The following EXD3 variants were observed in gnomAD, a reference collection of about 807,000 sequenced individuals.
EXD3 encodes the protein exonuclease mut-7 homolog.
EXD3 carries 92 observed loss-of-function variants against 98.0 expected under a neutral mutation model. That is an observed-to-expected ratio of 0.94 (90% CI 0.79 to 1.12). The LOEUF is 1.12. Among genes scored for constraint, EXD3 ranks in the 50% most tolerant of loss-of-function variants. The pLI is 0.00. For synonymous variants in EXD3, 569 were observed against 526.0 expected (o/e 1.08, Z -1.12); for missense variants, 1,222 against 1,191.6 (o/e 1.03, Z -0.38).
At chr9:137,396,835 A>G (rs1362516897) in intron 1 of EXD3, among the ~76,000 whole-genome samples, 1 of 152,164 alleles carries the variant, frequency 6.6e-6, no homozygotes, top group Non-Finnish European at 1.5e-5. Flanking sequence ...AAACTGGATG[A>G]TATATCTTAG....
At chr9:137,379,722 A>G (rs942767735) in intron 3 of EXD3, among the ~76,000 whole-genome samples, 5 of 151,978 alleles carry the variant, frequency 3.3e-5, no homozygotes, top group African/African-American at 1.2e-4. Context: ...GATGAAGCCG[A>G]CGCTCCGTGG....
intron 2 of EXD3, among the ~76,000 whole-genome samples, chr9:137,383,850 C>T (rs1016734615): frequency 2.6e-5 from 4 of 152,350 alleles, no homozygotes; most frequent in East Asian, 3.9e-4. Flanking sequence ...CCTCCAGCCC[C>T]GCCTGGGAGG....
intron 11 of EXD3, 98 bp from the exon 12 acceptor site, chr9:137,352,299 G>A (rs2119229740): frequency 6.6e-6 from 10 of 1,513,032 alleles, no homozygotes; most frequent in Non-Finnish European, 9.0e-6. Flanking sequence ...GTTTGGTGGG[G>A]GCATCTCAGG....
At position 137,383,400 on chromosome 9, in the gene EXD3, G is replaced by A. The variant is rs371608724; in HGVS notation, c.56-23C>T. 269 of 1,521,470 alleles carry A rather than the reference G, an allele frequency of 1.8e-4. 2 individuals are homozygous for A. The South Asian group carries it at 2.6e-3, about 15-fold the overall frequency. 94.2% of individuals were successfully genotyped at this position (1,521,470 alleles called of 1,614,324 possible). A position where few individuals can be genotyped will look rare whatever the true frequency, so the allele number is the denominator to read the frequency against. ...GGCCTGTGGAGATAAGATAACAGCC[G>A]TGGGAGGGAGAGGCAGGTGCAGGGG... is the stretch of plus-strand genomic sequence containing the variant. On this transcript the variant is annotated intron_variant, in intron 2 of 21. Coordinates refer to ENST00000340951, the MANE Select transcript of EXD3 (RefSeq NM_017820.5).
intron 19 of EXD3, among the ~76,000 whole-genome samples, chr9:137,313,667 C>T (rs906762378): frequency 3.3e-5 from 5 of 152,124 alleles, no homozygotes; most frequent in African/African-American, 1.2e-4. Flanking sequence ...GGGCCCTGGC[C>T]TGGGTGGAAC....
rs79271485 is a variant in EXD3, at chr9:137,339,991, G to A, written c.1998+8080C>T. On this transcript the variant is annotated intron_variant, in intron 17 of 21. Transcript: ENST00000340951. ...TGTACGAACAGAACCCCAAATAATG[G>A]ACAACCAATTCAGTAAGAGCCAGGG... 3.3e-3 allele frequency among the ~76,000 whole-genome samples: 507 copies of A among 152,158 alleles called. 3 individuals carry two copies. Among genetic ancestry groups the A allele is most frequent in the African/African-American group, 0.012 (478 of 41,508 alleles).
At chr9:137,376,343 C>CAAAAA (rs765888922) in intron 3 of EXD3, among the ~76,000 whole-genome samples, 334 of 39,118 alleles carry the variant, frequency 8.5e-3, no homozygotes, top group Non-Finnish European at 0.012. Context: ...GACTCTGTCT[C>CAAAAA]AAAAAAAAAA....
intron 3 of EXD3, among the ~76,000 whole-genome samples, chr9:137,382,736 C>G (rs764922072): frequency 6.6e-6 from 1 of 152,110 alleles, no homozygotes; most frequent in African/African-American, 2.4e-5. Context: ...GGGCGTCCCC[C>G]GGACCTGCAG....
At chr9:137,410,811 G>A (rs924510729) in intron 1 of EXD3, among the ~76,000 whole-genome samples, 3 of 152,192 alleles carry the variant, frequency 2.0e-5, no homozygotes, top group African/African-American at 7.2e-5. Flanking sequence ...GGCGAGGGCT[G>A]TGTCCTTTCC....
rs1339096042 is a variant in EXD3 at position 137,348,722 on chromosome 9, C to T, written c.1830+388G>A. Reference sequence around the variant, plus strand: ...AGGGGTGGGGATCACAAGGAGGGGGCTAGATAGAGAGGGGTGGGGATCACG... The same window carrying T: ...AGGGGTGGGGATCACAAGGAGGGGGTTAGATAGAGAGGGGTGGGGATCACG... On this transcript the variant is annotated intron_variant, in intron 16 of 21. Transcript: ENST00000340951. Among the ~76,000 whole-genome samples the T allele has an allele frequency of 3.6e-5, 3 of 83,736 alleles. No individual in the cohort carries two copies. In the Admixed American group the frequency reaches 4.6e-4, roughly 13 times the overall value. 54.9% of individuals were successfully genotyped at this position (83,736 alleles called of 152,430 possible). A position where few individuals can be genotyped will look rare whatever the true frequency, so the allele number is the denominator to read the frequency against.
intron 19 of EXD3, among the ~76,000 whole-genome samples, chr9:137,311,136 TGG>T (rs1244278310): frequency 1.3e-5 from 2 of 152,090 alleles, no homozygotes; most frequent in African/African-American, 4.8e-5. Flanking sequence ...GTTGGACAGG[TGG>T]GGCTCTTCTA....
rs1347764795 is a variant in EXD3, at chr9:137,407,210, C to G, written c.-47-11806G>C. Among the ~76,000 whole-genome samples the G allele has an allele frequency of 6.7e-6, 1 of 148,712 alleles. No individual in the cohort carries two copies. The highest frequency in any genetic ancestry group is 2.6e-5 in the African/African-American group (1 of 38,224). On this transcript the variant is annotated intron_variant, in intron 1 of 21. Coordinates refer to ENST00000340951, the MANE Select transcript of EXD3 (RefSeq NM_017820.5). The surrounding 1 kb of genome is among the most constrained non-coding windows in gnomAD (Gnocchi z 4.4). ...AGCGCCTCCTCCGTCTCAGCCGCGTCGGTCCCAGGCGCCTCCCCTACCCGC... is the reference window on the plus strand; with the variant it reads ...AGCGCCTCCTCCGTCTCAGCCGCGTGGGTCCCAGGCGCCTCCCCTACCCGC...
chr9:137,330,109 TACAC>T (rs1832934922), intron 17 of EXD3, among the ~76,000 whole-genome samples: 2 of 45,830 alleles, frequency 4.4e-5, no homozygotes, highest in Admixed American at 4.7e-4. Context: ...CCACAGGAGC[TACAC>T]AGGAGCTACA....
chr9:137,388,052 A>G (rs1251319395), intron 2 of EXD3, among the ~76,000 whole-genome samples: 3 of 152,178 alleles, frequency 2.0e-5, no homozygotes, highest in African/African-American at 7.2e-5. Context: ...GCAGCTGTGT[A>G]TTAGGAGGAC....
At position 137,354,370 on chromosome 9, in the gene EXD3, AG is replaced by A; in HGVS notation, c.838del (p.Leu280CysfsTer77). ...ATGGTCGGTCCAGTTCTCCTGTGAC[AG>A]GCTCTTCTGCAAAGGCAAACAGGAA... ...LCHKRFVEKS[L>X]SQENWTDHVQ... is the part of the protein sequence containing the mutation. On this transcript the variant is annotated frameshift_variant, in exon 10 of 22. Coordinates refer to ENST00000340951, the MANE Select transcript of EXD3 (RefSeq NM_017820.5). LOFTEE classifies it high-confidence loss of function. 6.2e-7 allele frequency: 1 copy of A among 1,612,276 alleles called. No individual in the cohort carries two copies.
At chr9:137,316,653 G>T (rs1463116483) in intron 19 of EXD3, among the ~76,000 whole-genome samples, 1 of 152,228 alleles carries the variant, frequency 6.6e-6, no homozygotes, top group Non-Finnish European at 1.5e-5. Context: ...CTAAGCTGGG[G>T]CCTGGCAGGC....
At chr9:137,365,729 C>T (rs897190581) in intron 7 of EXD3, 1 of 314,488 alleles carries the variant, frequency 3.2e-6, no homozygotes, top group African/African-American at 2.2e-5. Flanking sequence ...CATACAAACA[C>T]ACACCTACAG....
At chr9:137,398,235 T>C (rs1051834565) in intron 1 of EXD3, among the ~76,000 whole-genome samples, 1 of 152,186 alleles carries the variant, frequency 6.6e-6, no homozygotes, top group Non-Finnish European at 1.5e-5. Flanking sequence ...TCTGTTCCCC[T>C]GGTGAACGGC....
chr9:137,311,313 G>A (rs1206587318), intron 19 of EXD3, among the ~76,000 whole-genome samples: 2 of 152,242 alleles, frequency 1.3e-5, no homozygotes, highest in African/African-American at 4.8e-5. Flanking sequence ...GCAGGTGTGT[G>A]GGTGGAGAGC....
Sources: gnomAD v4.1 joint callset for allele counts (sites outside exome capture counted in the v4.1 genomes callset) on GRCh38, gnomAD v4.1.1 for gene constraint, Gnocchi (gnomAD v3.1) non-coding constraint, MANE v1.5 for transcripts, NCBI Gene and HGNC (gene_info 2026-07-23, HGNC 2026-07-21) for gene names.